PRKAA2: variants seen among roughly 807,000 people sequenced by gnomAD.
The protein encoded by PRKAA2 is protein kinase AMP-activated catalytic subunit alpha 2, also known as 5'-AMP-activated protein kinase catalytic subunit alpha-2.
A neutral mutation model predicts 56.3 loss-of-function variants in PRKAA2; 40 were observed. The ratio of observed to expected loss-of-function variants is 0.71; its 90% confidence interval spans 0.55 to 0.92. The LOEUF is 0.92. Ranked by LOEUF, PRKAA2 falls within the 40% of genes least tolerant of loss-of-function variation. PRKAA2 has a pLI of 0.00. For missense variants in PRKAA2, 542 were observed against 686.9 expected (o/e 0.79, Z 2.36); for synonymous variants, 214 against 234.2 (o/e 0.91, Z 0.79).
At chr1:56,693,944 T>G in intron 5 of PRKAA2, 92 bp downstream of exon 5, 1 of 842,110 alleles carries the variant, frequency 1.2e-6, no homozygotes, top group South Asian at 2.5e-5. Flanking sequence ...GGTAAGATTT[T>G]AACATGGTAG....
intron 2 of PRKAA2, among the ~76,000 whole-genome samples, chr1:56,680,903 TCTAGTTCTAGATC>T (rs1644149032): frequency 6.6e-6 from 1 of 152,250 alleles, no homozygotes; most frequent in African/African-American, 2.4e-5. Flanking sequence ...AAATGGTATT[TCTAGTTCTAGATC>T]CTTGAGGAAT....
intron 6 of PRKAA2, among the ~76,000 whole-genome samples, chr1:56,697,928 G>C (rs138888583): frequency 6.6e-6 from 1 of 151,740 alleles, no homozygotes; most frequent in Non-Finnish European, 1.5e-5. Context: ...TAATTTGTAC[G>C]TAGGTAGATG....
At position 56,713,865 on chromosome 1, in the gene PRKAA2, A is replaced by AAC. The variant is rs1644386637; in HGVS notation, c.*6153_*6154insCA. The AAC allele has an allele frequency of 6.6e-6, 1 of 151,558 alleles. No individual in the cohort carries two copies. The highest frequency in any genetic ancestry group is 2.4e-5 in the African/African-American group (1 of 41,324). 9.4% of individuals were successfully genotyped at this position (151,558 alleles called of 1,614,324 possible). A position where few individuals can be genotyped will look rare whatever the true frequency, so the allele number is the denominator to read the frequency against. On this transcript the variant is annotated 3_prime_UTR_variant, in exon 9 of 9. Transcript: ENST00000371244. ...CACTGTTCTAAAAAAAAAAAAAAAA[A>AAC]AAAACACTAAATTGTGCCTTCTCCC... is the stretch of plus-strand genomic sequence containing the variant.
chr1:56,695,227 G>A (rs1272376892), intron 5 of PRKAA2, among the ~76,000 whole-genome samples: 10 of 143,294 alleles, frequency 7.0e-5, no homozygotes, highest in Non-Finnish European at 1.5e-4. Flanking sequence ...ATAGAGTCTC[G>A]CTCTGTCACC....
At chr1:56,684,908 C>G (rs1644180552) in intron 2 of PRKAA2, among the ~76,000 whole-genome samples, 1 of 151,816 alleles carries the variant, frequency 6.6e-6, no homozygotes, top group Admixed American at 6.6e-5. Flanking sequence ...GTTGGTATGC[C>G]AAAAGGAGTG....
At chr1:56,687,297 A>G (rs1035973025) in intron 2 of PRKAA2, among the ~76,000 whole-genome samples, 3 of 152,222 alleles carry the variant, frequency 2.0e-5, no homozygotes, top group Admixed American at 1.3e-4. Context: ...AATAACTTCT[A>G]GAATATTACA....
intron 5 of PRKAA2, among the ~76,000 whole-genome samples, chr1:56,695,089 C>G (rs1644249837): frequency 6.6e-6 from 1 of 151,050 alleles, no homozygotes; most frequent in African/African-American, 2.4e-5. Flanking sequence ...AGTAAGTACT[C>G]AGGATAATGT....
At chr1:56,687,775 CA>C (rs1001264441) in intron 2 of PRKAA2, among the ~76,000 whole-genome samples, 2 of 151,960 alleles carry the variant, frequency 1.3e-5, no homozygotes, top group African/African-American at 2.4e-5. Flanking sequence ...ATTTTACCAC[CA>C]AAAAGGTGTA....
chr1:56,700,094 G>A (rs79920805), intron 6 of PRKAA2, among the ~76,000 whole-genome samples: 15 of 151,940 alleles, frequency 9.9e-5, no homozygotes, highest in African/African-American at 3.4e-4. Context: ...ATTTCTCTTC[G>A]GTGTATATAC....
intron 1 of PRKAA2, among the ~76,000 whole-genome samples, chr1:56,670,782 T>C (rs1644069798): frequency 6.6e-6 from 1 of 152,218 alleles, no homozygotes; most frequent in African/African-American, 2.4e-5. Context: ...TTTACGTGTA[T>C]ACATGATAAA....
rs533856092 is a variant in PRKAA2, at chr1:56,683,280, C to A, written c.237-8114C>A. ...ACATGTAAATGGAGATATCATCTATCATCTTTATCTCTCCTGCAACTAGCA... is the reference window on the plus strand; with the variant it reads ...ACATGTAAATGGAGATATCATCTATAATCTTTATCTCTCCTGCAACTAGCA... On this transcript the variant is annotated intron_variant, in intron 2 of 8. Coordinates refer to ENST00000371244, the MANE Select transcript of PRKAA2 (RefSeq NM_006252.4). Among the ~76,000 whole-genome samples the A allele has an allele frequency of 6.2e-4, 94 of 151,990 alleles. 1 individual carries two copies. Among genetic ancestry groups the A allele is most frequent in the Non-Finnish European group, 1.8e-4 (12 of 67,980 alleles).
intron 1 of PRKAA2, among the ~76,000 whole-genome samples, chr1:56,665,466 G>A (rs1557547028): frequency 6.6e-6 from 1 of 152,126 alleles, no homozygotes; most frequent in Non-Finnish European, 1.5e-5. Context: ...TAGATTAGCA[G>A]CATTGAAAGC....
In PRKAA2 at chr1:56,709,243, TAA is replaced by T. The variant is rs934004700; in HGVS notation, c.*1531_*1532del. ...CAAGAAGCAAATGAGAATGTTAGAC[TAA>T]GTTTCTCCTGTGTTAGTGGAAAACA... On this transcript the variant is annotated 3_prime_UTR_variant, in exon 9 of 9. Coordinates refer to ENST00000371244, the MANE Select transcript of PRKAA2 (RefSeq NM_006252.4). 6.6e-6 allele frequency: 1 copy of T among 152,194 alleles called. No individual in the cohort carries two copies. The highest frequency in any genetic ancestry group is 1.5e-5 in the Non-Finnish European group (1 of 68,018). 9.4% of individuals were successfully genotyped at this position (152,194 alleles called of 1,614,324 possible).
chr1:56,663,462 GTGCTT>G (rs1237284408), intron 1 of PRKAA2, among the ~76,000 whole-genome samples: 1 of 152,160 alleles, frequency 6.6e-6, no homozygotes, highest in African/African-American at 2.4e-5. Context: ...TGTCAGGACT[GTGCTT>G]TGTCTTCAGG....
chr1:56,645,474 A>G lies in PRKAA2; in HGVS notation c.87A>G (p.Lys29=). The part of the protein sequence containing the change: ...GDTLGVGTFG[K]VKIGEHQLTG... The stretch of plus-strand genomic sequence containing the variant: ...CGCTGGGCGTCGGCACCTTCGGCAA[A>G]GTGAAGAGTTGAGTACGCGCTCCGG... Residue 29 remains lysine, a synonymous_variant, in exon 1 of 9, where the codon AAA becomes AAG. Coordinates refer to ENST00000371244, the MANE Select transcript of PRKAA2 (RefSeq NM_006252.4). 1 of 1,493,116 alleles carries G rather than the reference A, an allele frequency of 6.7e-7. No homozygotes were observed. The highest frequency in any genetic ancestry group is 9.0e-7 in the Non-Finnish European group (1 of 1,114,146). 92.5% of individuals were successfully genotyped at this position (1,493,116 alleles called of 1,614,324 possible).
At position 56,652,356 on chromosome 1, in the gene PRKAA2, C is replaced by T. The variant is rs190752240; in HGVS notation, c.94+6875C>T. ...ATTTTTGGTAGAGACAGGGTTTCAC[C>T]GTGTTAGCCAGGATGGTCTTGCTCT... is the stretch of plus-strand genomic sequence containing the variant. On this transcript the variant is annotated intron_variant, in intron 1 of 8. Coordinates refer to ENST00000371244, the MANE Select transcript of PRKAA2 (RefSeq NM_006252.4). Among the ~76,000 whole-genome samples the T allele has an allele frequency of 6.7e-3, 1,018 of 152,176 alleles. 7 individuals carry two copies. The highest frequency in any genetic ancestry group is 9.8e-3 in the Non-Finnish European group (668 of 67,986).
intron 6 of PRKAA2, among the ~76,000 whole-genome samples, chr1:56,702,770 T>C (rs1386912134): frequency 1.3e-5 from 2 of 152,256 alleles, no homozygotes; most frequent in African/African-American, 4.8e-5. Context: ...CCTGATCACC[T>C]GCCTCTCATT....
At chr1:56,662,169 C>T (rs1326533882) in intron 1 of PRKAA2, among the ~76,000 whole-genome samples, 1 of 151,916 alleles carries the variant, frequency 6.6e-6, no homozygotes, top group Non-Finnish European at 1.5e-5. Context: ...ATTTGTCGTT[C>T]AAAATAATTT....
chr1:56,704,568 C>G (rs1644319141), intron 7 of PRKAA2, 93 bp downstream of exon 7: 11 of 1,391,140 alleles, frequency 7.9e-6, no homozygotes, highest in Non-Finnish European at 1.1e-5. Flanking sequence ...TTAAGCCCAA[C>G]TTTTTCTAGT....
Sources: gnomAD v4.1 joint callset for allele counts (sites outside exome capture counted in the v4.1 genomes callset) on GRCh38, gnomAD v4.1.1 for gene constraint, MANE v1.5 for transcripts, NCBI Gene and HGNC (gene_info 2026-07-23, HGNC 2026-07-21) for gene names.